Variants in DCC observed in about 807,000 individuals in gnomAD.
DCC encodes the protein DCC netrin 1 receptor.
DCC carries 58 observed loss-of-function variants against 172.5 expected under a neutral mutation model. The ratio of observed to expected loss-of-function variants is 0.34; its 90% CI spans 0.27 to 0.42. DCC has a LOEUF of 0.42. DCC is among the 10% of genes least tolerant of loss of function. The pLI is 1.00. For missense variants in DCC, 1,740 were observed against 1,791.0 expected (o/e 0.97, Z 0.51); for synonymous variants, 709 against 644.5 (o/e 1.10, Z -1.52).
At chr18:52,377,125 A>G (rs1174850223) in intron 1 of DCC, among the ~76,000 whole-genome samples, 1 of 152,170 alleles carries the variant, frequency 6.6e-6, no homozygotes, top group East Asian at 1.9e-4. Flanking sequence ...GAAAAATTGT[A>G]TAAACAAGTG....
At chr18:52,533,347 A>T (rs2032203244) in intron 1 of DCC, among the ~76,000 whole-genome samples, 1 of 152,160 alleles carries the variant, frequency 6.6e-6, no homozygotes, top group South Asian at 2.1e-4. Context: ...AGATACAGAA[A>T]AATTTCAACA....
At chr18:52,864,061 C>T (rs1013424002) in intron 2 of DCC, among the ~76,000 whole-genome samples, 3 of 152,024 alleles carry the variant, frequency 2.0e-5, no homozygotes, top group Non-Finnish European at 4.4e-5. Context: ...TACAAATAGA[C>T]ATGTATATAC....
rs2041139899 is a variant in DCC, at chr18:52,977,626, CT to C, written c.985+52257del. Among the ~76,000 whole-genome samples the C allele has an allele frequency of 2.0e-5, 3 of 152,244 alleles. No homozygotes were observed. In the South Asian group the frequency reaches 6.2e-4, roughly 32 times the overall value. ...CTGGGCCGGGCGCAGTGGCTCATGC[CT>C]GTAGTCCCAGCACTTTGGGAGGCCG... On this transcript the variant is annotated intron_variant, in intron 5 of 28. Coordinates refer to ENST00000442544, the MANE Select transcript of DCC (RefSeq NM_005215.4).
intron 2 of DCC, among the ~76,000 whole-genome samples, chr18:52,777,603 A>AT (rs997792270): frequency 2.0e-4 from 30 of 152,196 alleles, no homozygotes; most frequent in Admixed American, 5.9e-4. Flanking sequence ...ATGTAAATGT[A>AT]TTTTTTTGGT....
chr18:53,137,415 A>G (rs2043760727), intron 7 of DCC, among the ~76,000 whole-genome samples: 1 of 152,228 alleles, frequency 6.6e-6, no homozygotes, highest in South Asian at 2.1e-4. Context: ...GTTCCTGGCC[A>G]TGTAGCCTCT....
intron 17 of DCC, 140 bp downstream of exon 17, chr18:53,392,027 A>G: frequency 1.5e-6 from 1 of 674,676 alleles, no homozygotes; most frequent in Admixed American, 2.1e-5. Flanking sequence ...TAATAACTCA[A>G]TATCTAAGAT....
chr18:52,478,076 T>A (rs1314386953), intron 1 of DCC, among the ~76,000 whole-genome samples: 1 of 152,102 alleles, frequency 6.6e-6, no homozygotes, highest in African/African-American at 2.4e-5. Flanking sequence ...TCACAAAGTA[T>A]TGGAATTAAA....
chr18:53,329,252 C>T (rs4450475), intron 14 of DCC, among the ~76,000 whole-genome samples: 51,616 of 151,822 alleles, frequency 0.34, 9,925 homozygotes, highest in East Asian at 0.58. Flanking sequence ...TAAAAACTTC[C>T]TACAATTTCT....
chr18:52,591,228 T>G (rs192084333), intron 1 of DCC, among the ~76,000 whole-genome samples: 9 of 152,266 alleles, frequency 5.9e-5, no homozygotes, highest in Admixed American at 4.6e-4. Context: ...TAAAATTCTT[T>G]TTAGCATTCT....
chr18:53,072,312 A>G (rs1326323848), intron 7 of DCC, among the ~76,000 whole-genome samples: 1 of 152,132 alleles, frequency 6.6e-6, no homozygotes, highest in African/African-American at 2.4e-5. Context: ...TAAATTAAGG[A>G]CCCTGTTTGG....
intron 15 of DCC, among the ~76,000 whole-genome samples, chr18:53,374,731 C>T (rs899532757): frequency 1.1e-4 from 17 of 152,196 alleles, no homozygotes; most frequent in African/African-American, 4.1e-4. Context: ...GTCTCAGACA[C>T]TTGTTGAGTG....
intron 11 of DCC, among the ~76,000 whole-genome samples, chr18:53,209,744 A>G (rs1204524715): frequency 6.6e-6 from 1 of 152,224 alleles, no homozygotes; most frequent in East Asian, 1.9e-4. Context: ...AAATTACTTC[A>G]CAACTTATAA....
intron 1 of DCC, among the ~76,000 whole-genome samples, chr18:52,467,518 G>A (rs544201925): frequency 6.6e-6 from 1 of 152,296 alleles, no homozygotes; most frequent in Non-Finnish European, 1.5e-5. Context: ...ATCTGTGCAT[G>A]TGTTCTTATA....
At chr18:52,964,334 C>T (rs2040893502) in intron 5 of DCC, among the ~76,000 whole-genome samples, 1 of 152,118 alleles carries the variant, frequency 6.6e-6, no homozygotes, top group Non-Finnish European at 1.5e-5. Context: ...TAAAGACTAA[C>T]TTTTCAAATT....
chr18:53,263,851 C>G (rs955900920), intron 12 of DCC, among the ~76,000 whole-genome samples: 1 of 151,812 alleles, frequency 6.6e-6, no homozygotes, highest in African/African-American at 2.4e-5. Context: ...AACTCTGACC[C>G]TACTGATATT....
At chr18:53,512,184 C>T (rs1424644601) in intron 27 of DCC, among the ~76,000 whole-genome samples, 1 of 113,834 alleles carries the variant, frequency 8.8e-6, no homozygotes, top group Admixed American at 1.1e-4. Flanking sequence ...CTGGGAGGCA[C>T]CCCCCAGCAG....
chr18:53,217,439 G>C (rs890333150), intron 12 of DCC, among the ~76,000 whole-genome samples: 1 of 151,940 alleles, frequency 6.6e-6, no homozygotes, highest in African/African-American at 2.4e-5. Context: ...ACATTGCACT[G>C]CTAGAAAGTT....
intron 2 of DCC, among the ~76,000 whole-genome samples, chr18:52,872,626 G>A (rs1255097707): frequency 6.6e-6 from 1 of 152,112 alleles, no homozygotes; most frequent in Non-Finnish European, 1.5e-5. Flanking sequence ...TTGTTATTTT[G>A]CATGGTCTGT....
chr18:52,876,038 A>G (rs2039398754), intron 2 of DCC, among the ~76,000 whole-genome samples: 1 of 152,086 alleles, frequency 6.6e-6, no homozygotes. Context: ...TGCCTTCCAC[A>G]TATGTCCTGC....
Sources: allele counts gnomAD v4.1 joint callset (sites outside exome capture counted in the v4.1 genomes callset), GRCh38; gene constraint gnomAD v4.1.1; transcripts MANE v1.5; gene names NCBI Gene and HGNC (gene_info 2026-07-23, HGNC 2026-07-21).